BBS9: variants seen among roughly 807,000 people sequenced by gnomAD.
BBS9 encodes the protein Bardet-Biedl syndrome 9.
BBS9 carries 89 observed loss-of-function variants against 117.7 expected under a neutral mutation model. That is an observed-to-expected ratio of 0.76 (90% confidence interval 0.64 to 0.90). The LOEUF (loss-of-function observed/expected upper bound fraction) is 0.90, where lower values mean the gene tolerates loss of function less well. BBS9 is among the 40% of genes least tolerant of loss of function. The pLI is 0.00. For synonymous variants in BBS9, 379 were observed against 370.9 expected (o/e 1.02, Z -0.25); for missense variants, 982 against 1,042.2 (o/e 0.94, Z 0.80).
intron 2 of BBS9, among the ~76,000 whole-genome samples, chr7:33,146,783 G>T (rs1232690799): frequency 2.0e-5 from 3 of 148,892 alleles, no homozygotes; most frequent in African/African-American, 7.4e-5. Flanking sequence ...TATCATAATT[G>T]TACCTAATTT....
intron 19 of BBS9, among the ~76,000 whole-genome samples, chr7:33,477,392 G>A (rs545227395): frequency 6.6e-6 from 1 of 152,280 alleles, no homozygotes; most frequent in East Asian, 1.9e-4. Context: ...CCATTTGAAT[G>A]TATCCTCCCC....
intron 9 of BBS9, among the ~76,000 whole-genome samples, chr7:33,303,246 G>A (rs1446666338): frequency 6.6e-6 from 1 of 152,062 alleles, no homozygotes; most frequent in Non-Finnish European, 1.5e-5. Context: ...CAATTTGAAT[G>A]CCCTTTATTT....
intron 5 of BBS9, among the ~76,000 whole-genome samples, chr7:33,186,281 C>T (rs1292936247): frequency 1.3e-5 from 2 of 152,094 alleles, no homozygotes; most frequent in Non-Finnish European, 2.9e-5. Context: ...TGTGCTATAG[C>T]CCTATGTCTG....
intron 12 of BBS9, among the ~76,000 whole-genome samples, chr7:33,347,675 C>G (rs1817855859): frequency 6.6e-6 from 1 of 151,776 alleles, no homozygotes. Context: ...AATACATTTA[C>G]TGAATCTAAT....
intron 21 of BBS9, among the ~76,000 whole-genome samples, chr7:33,557,794 G>A (rs1016420604): frequency 6.6e-6 from 1 of 152,270 alleles, no homozygotes; most frequent in East Asian, 1.9e-4. Flanking sequence ...ATTGCAAGAT[G>A]CTGGAAGATA....
intron 9 of BBS9, among the ~76,000 whole-genome samples, chr7:33,297,768 A>T (rs1805575311): frequency 6.6e-6 from 1 of 152,200 alleles, no homozygotes; most frequent in Non-Finnish European, 1.5e-5. Flanking sequence ...TCAATAATAC[A>T]TTCAGAATCA....
At chr7:33,418,402 A>G (rs1041465306) in intron 19 of BBS9, among the ~76,000 whole-genome samples, 5 of 152,206 alleles carry the variant, frequency 3.3e-5, no homozygotes, top group Admixed American at 2.6e-4. Context: ...GTGTGTGGCC[A>G]GTGTTTGGCA....
chr7:33,308,811 G>C (rs1808566781), intron 9 of BBS9, among the ~76,000 whole-genome samples: 1 of 152,084 alleles, frequency 6.6e-6, no homozygotes, highest in South Asian at 2.1e-4. Context: ...AGCTTCTATG[G>C]GGCAAATGAG....
At chr7:33,425,455 G>A (rs546001171) in intron 19 of BBS9, among the ~76,000 whole-genome samples, 38 of 152,216 alleles carry the variant, frequency 2.5e-4, no homozygotes, top group Middle Eastern at 3.4e-3. Context: ...CATCACCTAG[G>A]TATTAAGCCC....
chr7:33,147,901 C>T (rs762047543), intron 2 of BBS9, among the ~76,000 whole-genome samples: 10 of 151,684 alleles, frequency 6.6e-5, no homozygotes, highest in Non-Finnish European at 1.3e-4. Flanking sequence ...TATGTGTGTT[C>T]CACATAGACA....
At chr7:33,359,450 A>G (rs569747040) in intron 16 of BBS9, among the ~76,000 whole-genome samples, 1 of 152,132 alleles carries the variant, frequency 6.6e-6, no homozygotes, top group South Asian at 2.1e-4. Flanking sequence ...TTTGGGCTCA[A>G]TTGTTTTGAT....
At chr7:33,517,473 A>G (rs1013936042) in intron 20 of BBS9, among the ~76,000 whole-genome samples, 2 of 152,220 alleles carry the variant, frequency 1.3e-5, no homozygotes, top group African/African-American at 4.8e-5. Flanking sequence ...AGGTTCCCTC[A>G]TCCTTTATGC....
Position 33,152,707 on chromosome 7 carries a change from T to C in BBS9, c.119T>C (p.Ile40Thr). 6.2e-7 allele frequency: 1 copy of C among 1,612,372 alleles called. No individual in the cohort carries two copies. Among genetic ancestry groups the C allele is most frequent in the Non-Finnish European group, 8.5e-7 (1 of 1,178,978 alleles). Reference protein sequence around the residue: ...VDNSGNGQDKIIVGSFMGYLR... With the variant: ...VDNSGNGQDKTIVGSFMGYLR... Reference sequence around the variant, plus strand: ...TTTTTTAAATTCTCTACAGATAAAATAATTGTGGGTAGCTTTATGGGATAC... The same window carrying C: ...TTTTTTAAATTCTCTACAGATAAAACAATTGTGGGTAGCTTTATGGGATAC... The change falls in exon 3 of 23, where the codon ATA (isoleucine) becomes ACA (threonine). Residue 40 changes from isoleucine (I) to threonine (T), a missense_variant. By Grantham distance (89) the Ile-to-Thr change is moderately conservative (BLOSUM62 -1). Transcript: ENST00000242067.
chr7:33,373,042 A>G, intron 17 of BBS9, among the ~76,000 whole-genome samples: 1 of 151,598 alleles, frequency 6.6e-6, no homozygotes, highest in South Asian at 2.1e-4. Flanking sequence ...TTTTTAGTCC[A>G]AAGGTTTGTT....
chr7:33,290,269 G>A (rs745769469), intron 9 of BBS9, among the ~76,000 whole-genome samples: 1 of 152,140 alleles, frequency 6.6e-6, no homozygotes, highest in Non-Finnish European at 1.5e-5. Context: ...CAACGTGCAT[G>A]CCATGTGAAT....
intron 5 of BBS9, among the ~76,000 whole-genome samples, chr7:33,211,761 C>G (rs1030682290): frequency 6.6e-6 from 1 of 152,106 alleles, no homozygotes; most frequent in Non-Finnish European, 1.5e-5. Context: ...TTTAGCATTT[C>G]TTGTAGGACA....
chr7:33,522,302 G>C (rs1848744826), intron 20 of BBS9, among the ~76,000 whole-genome samples: 1 of 151,876 alleles, frequency 6.6e-6, no homozygotes, highest in African/African-American at 2.4e-5. Flanking sequence ...TCTAGTTCTA[G>C]ATCCCTGAGG....
At chr7:33,622,836 A>G (rs184461245) in intron 21 of BBS9, among the ~76,000 whole-genome samples, 245 of 152,350 alleles carry the variant, frequency 1.6e-3, no homozygotes, top group African/African-American at 5.6e-3. Flanking sequence ...ATAGTTTTCA[A>G]TAAGTGTTGC....
chr7:33,185,716 CT>C (rs1798718970), intron 5 of BBS9, among the ~76,000 whole-genome samples: 1 of 152,184 alleles, frequency 6.6e-6, no homozygotes, highest in Non-Finnish European at 1.5e-5. Flanking sequence ...CTACTTTCCT[CT>C]ATTTCATATG....
Sources: allele counts gnomAD v4.1 joint callset (sites outside exome capture counted in the v4.1 genomes callset), GRCh38; gene constraint gnomAD v4.1.1; transcripts MANE v1.5; gene names NCBI Gene and HGNC (gene_info 2026-07-23, HGNC 2026-07-21).